The following MCC variants were observed in gnomAD, a reference collection of about 807,000 sequenced individuals.
The protein encoded by MCC is colorectal mutant cancer protein.
Under a neutral mutation model 116.2 loss-of-function variants are expected in MCC, and 90 were observed. The ratio of observed to expected loss-of-function variants is 0.77; its 90% CI spans 0.65 to 0.92. The LOEUF (loss-of-function observed/expected upper bound fraction) is 0.92. Ranked by LOEUF, MCC falls within the 40% of genes least tolerant of loss-of-function variation. The probability of loss-of-function intolerance (pLI) is 0.00; values close to 1 mark genes in which losing one functional copy is unlikely to be tolerated. For missense variants in MCC, 1,516 were observed against 1,312.2 expected (o/e 1.16, Z -2.40); for synonymous variants, 578 against 510.5 (o/e 1.13, Z -1.78).
chr5:113,080,815 C>CAACAAAAAAA (rs1754804743), intron 11 of MCC, among the ~76,000 whole-genome samples: 1 of 110,760 alleles, frequency 9.0e-6, no homozygotes. Context: ...ACAACAACAA[C>CAACAAAAAAA]AAAAAAAAAA....
chr5:113,340,974 C>G (rs1459991083), intron 2 of MCC, among the ~76,000 whole-genome samples: 1 of 152,158 alleles, frequency 6.6e-6, no homozygotes, highest in Non-Finnish European at 1.5e-5. Flanking sequence ...GCTCCCTAAA[C>G]AGAAATGCTT....
In MCC at chr5:113,053,379, C is replaced by A. The variant is rs548523829; in HGVS notation, c.2448+346G>T. 4.2e-4 allele frequency among the ~76,000 whole-genome samples: 64 copies of A among 152,294 alleles called. 1 individual carries two copies. In the South Asian group the frequency reaches 0.013, roughly 31 times the overall value. On this transcript the variant is annotated intron_variant, in intron 15 of 18. Coordinates refer to ENST00000408903, the MANE Select transcript of MCC (RefSeq NM_001085377.2). ...CTGCCGGAGTTAACATCAGCATCAG[C>A]AACCCAAGACATATTTCCAAGCATT... is the stretch of plus-strand genomic sequence containing the variant.
chr5:113,313,765 T>C (rs1296618470), intron 3 of MCC, among the ~76,000 whole-genome samples: 2 of 152,142 alleles, frequency 1.3e-5, no homozygotes, highest in Admixed American at 6.5e-5. Context: ...GAGACCTGTA[T>C]AATAATCTGC....
At chr5:113,294,248 G>T in intron 3 of MCC, 1 of 1,581,006 alleles carries the variant, frequency 6.3e-7, no homozygotes, top group Non-Finnish European at 8.7e-7. Context: ...GTGTAGGGCT[G>T]TGGGGAGGTC....
chr5:113,484,772 G>A (rs763231576), intron 1 of MCC, among the ~76,000 whole-genome samples: 2 of 152,130 alleles, frequency 1.3e-5, no homozygotes, highest in Non-Finnish European at 2.9e-5. Context: ...ATATTGAACG[G>A]TAAAAACAAA....
At chr5:113,144,632 G>C (rs1392798183) in intron 4 of MCC, among the ~76,000 whole-genome samples, 1 of 152,194 alleles carries the variant, frequency 6.6e-6, no homozygotes, top group African/African-American at 2.4e-5. Flanking sequence ...TACTGAAACA[G>C]AAGTACTCAA....
intron 12 of MCC, among the ~76,000 whole-genome samples, chr5:113,070,766 A>C (rs1753980606): frequency 1.3e-5 from 2 of 152,258 alleles, no homozygotes; most frequent in African/African-American, 2.4e-5. Context: ...ACTAGAATGC[A>C]CTAGATTTAT....
At chr5:113,380,864 G>A (rs1176274512) in intron 2 of MCC, among the ~76,000 whole-genome samples, 1 of 152,214 alleles carries the variant, frequency 6.6e-6, no homozygotes, top group Non-Finnish European at 1.5e-5. Flanking sequence ...GAAGGCCAGT[G>A]TGACTGTGGC....
intron 3 of MCC, among the ~76,000 whole-genome samples, chr5:113,292,616 A>C (rs904602887): frequency 2.6e-5 from 4 of 152,180 alleles, no homozygotes; most frequent in African/African-American, 9.7e-5. Flanking sequence ...CCTGAGTGTC[A>C]CATTCTCTGC....
At chr5:113,114,012 G>T (rs765924628) in intron 6 of MCC, among the ~76,000 whole-genome samples, 4 of 151,644 alleles carry the variant, frequency 2.6e-5, no homozygotes, top group African/African-American at 7.3e-5. Context: ...ATAGGAGAAG[G>T]TTCCTTCTTA....
At chr5:113,238,975 A>G (rs1030575253) in intron 3 of MCC, among the ~76,000 whole-genome samples, 1 of 152,228 alleles carries the variant, frequency 6.6e-6, no homozygotes, top group African/African-American at 2.4e-5. Context: ...AGATGAGGTA[A>G]CTATGACAAT....
intron 1 of MCC, among the ~76,000 whole-genome samples, chr5:113,486,368 C>T (rs889738159): frequency 6.6e-6 from 1 of 152,188 alleles, no homozygotes; most frequent in Non-Finnish European, 1.5e-5. Flanking sequence ...TTATCACCAC[C>T]CACTTTACTC....
intron 3 of MCC, among the ~76,000 whole-genome samples, chr5:113,157,539 G>A (rs1324720803): frequency 6.6e-6 from 1 of 152,230 alleles, no homozygotes; most frequent in Non-Finnish European, 1.5e-5. Flanking sequence ...GCACCTCATG[G>A]TGCTGAGGGC....
chr5:113,110,663 C>T (rs1301213835), intron 6 of MCC, among the ~76,000 whole-genome samples: 1 of 152,246 alleles, frequency 6.6e-6, no homozygotes, highest in Non-Finnish European at 1.5e-5. Flanking sequence ...GTCTTCAAAG[C>T]TGTCTGATAA....
At chr5:113,289,494 G>A (rs1046545790) in intron 3 of MCC, among the ~76,000 whole-genome samples, 2 of 152,022 alleles carry the variant, frequency 1.3e-5, no homozygotes, top group African/African-American at 4.8e-5. Context: ...AATCTAGGCT[G>A]GGAAAACAGC....
intron 3 of MCC, among the ~76,000 whole-genome samples, chr5:113,306,356 G>T (rs555075610): frequency 6.6e-6 from 1 of 152,262 alleles, no homozygotes; most frequent in African/African-American, 2.4e-5. Context: ...CAAGATGGCT[G>T]CACCATTTCA....
intron 6 of MCC, among the ~76,000 whole-genome samples, chr5:113,120,778 T>C (rs563550847): frequency 6.6e-6 from 1 of 152,340 alleles, no homozygotes; most frequent in South Asian, 2.1e-4. Flanking sequence ...AGTCAACAGT[T>C]ATCATCTGCA....
intron 2 of MCC, among the ~76,000 whole-genome samples, chr5:113,364,261 C>CAAAAAAA (rs1561538962): frequency 1.3e-5 from 1 of 79,806 alleles, no homozygotes. Context: ...AAAAAAAAAA[C>CAAAAAAA]CAGAAAAAAA....
intron 12 of MCC, among the ~76,000 whole-genome samples, chr5:113,068,914 G>C (rs552790804): frequency 3.3e-5 from 5 of 152,310 alleles, no homozygotes; most frequent in African/African-American, 1.2e-4. Flanking sequence ...CCAGGTTCCT[G>C]ATCCTTGAAA....
Sources: allele counts gnomAD v4.1 joint callset (sites outside exome capture counted in the v4.1 genomes callset), GRCh38; gene constraint gnomAD v4.1.1; transcripts MANE v1.5; gene names NCBI Gene and HGNC (gene_info 2026-07-23, HGNC 2026-07-21).